Variants in ZNF277 observed in about 807,000 individuals in gnomAD.
ZNF277 encodes the protein zinc finger protein 277.
In ZNF277, 55 loss-of-function variants were observed where a neutral mutation model predicts 60.7. The observed-to-expected ratio is 0.91, with a 90% CI of 0.73 to 1.13. The LOEUF (loss-of-function observed/expected upper bound fraction) is 1.13. ZNF277 is among the 50% of genes most tolerant of loss of function. The probability of loss-of-function intolerance (pLI) is 0.00; values close to 1 mark genes in which losing one functional copy is unlikely to be tolerated. For synonymous variants in ZNF277, 178 were observed against 179.3 expected, an observed-to-expected ratio of 0.99 and a Z score of 0.06; for missense variants, 510 against 523.0, an observed-to-expected ratio of 0.98 and a Z score of 0.24.
intron 1 of ZNF277, among the ~76,000 whole-genome samples, chr7:112,274,900 C>G (rs1019713306): frequency 3.9e-5 from 6 of 152,180 alleles, no homozygotes; most frequent in African/African-American, 1.4e-4. Context: ...GTTTACCTTC[C>G]CTTCTTTTCT....
chr7:112,341,316 A>T (rs910878929), intron 11 of ZNF277, among the ~76,000 whole-genome samples: 19 of 152,238 alleles, frequency 1.2e-4, no homozygotes, highest in African/African-American at 4.1e-4. Flanking sequence ...CAGATTTTTT[A>T]AATTATATTT....
intron 1 of ZNF277, among the ~76,000 whole-genome samples, chr7:112,236,969 C>T (rs1790809184): frequency 1.3e-5 from 2 of 152,032 alleles, no homozygotes; most frequent in South Asian, 4.1e-4. Flanking sequence ...TCAAGGTAGA[C>T]CATATATTAG....
intron 2 of ZNF277, among the ~76,000 whole-genome samples, chr7:112,295,443 C>G (rs909912130): frequency 2.0e-5 from 3 of 151,964 alleles, no homozygotes; most frequent in African/African-American, 7.3e-5. Flanking sequence ...TTCTTCTGAC[C>G]TCTGTTCTTT....
intron 2 of ZNF277, among the ~76,000 whole-genome samples, chr7:112,292,291 C>T (rs745941928): frequency 2.0e-5 from 3 of 152,206 alleles, no homozygotes; most frequent in Non-Finnish European, 2.9e-5. Context: ...TGTAGTGGAA[C>T]TTCTCTGCAC....
chr7:112,240,459 G>C (rs1487623467), intron 1 of ZNF277, among the ~76,000 whole-genome samples: 1 of 152,092 alleles, frequency 6.6e-6, no homozygotes. Flanking sequence ...AAATGCTTGA[G>C]GTGTTGGATA....
At chr7:112,291,344 G>A (rs1376451979) in intron 2 of ZNF277, among the ~76,000 whole-genome samples, 4 of 152,060 alleles carry the variant, frequency 2.6e-5, no homozygotes, top group Non-Finnish European at 5.9e-5. Context: ...ATTGCAACAA[G>A]GATTTTTTGT....
intron 1 of ZNF277, among the ~76,000 whole-genome samples, chr7:112,209,707 C>T (rs994664068): frequency 4.6e-5 from 7 of 152,020 alleles, no homozygotes; most frequent in East Asian, 1.9e-4. Context: ...CTTTTCAAAG[C>T]CAACAAGGTG....
At chr7:112,323,323 T>A (rs1793026787) in intron 5 of ZNF277, among the ~76,000 whole-genome samples, 2 of 152,264 alleles carry the variant, frequency 1.3e-5, no homozygotes, top group South Asian at 4.1e-4. Context: ...CTGCAATTAG[T>A]ATTGCCTCAG....
At chr7:112,270,124 C>T (rs1005161762) in intron 1 of ZNF277, among the ~76,000 whole-genome samples, 16 of 152,150 alleles carry the variant, frequency 1.1e-4, no homozygotes, top group Admixed American at 7.2e-4. Flanking sequence ...ATAAAAAAAG[C>T]GTAATATGGT....
intron 1 of ZNF277, among the ~76,000 whole-genome samples, chr7:112,275,603 CAAT>C (rs1409762794): frequency 6.6e-6 from 1 of 151,948 alleles, no homozygotes; most frequent in African/African-American, 2.4e-5. Flanking sequence ...ACAAATAAAT[CAAT>C]AATTTATCAT....
chr7:112,242,155 T>A (rs7809773), intron 1 of ZNF277, among the ~76,000 whole-genome samples: 1 of 151,734 alleles, frequency 6.6e-6, no homozygotes, highest in Non-Finnish European at 1.5e-5. Flanking sequence ...ATTTAAAATT[T>A]AAAAAAAGAT....
At chr7:112,254,189 T>G (rs1394597529) in intron 1 of ZNF277, among the ~76,000 whole-genome samples, 3 of 152,244 alleles carry the variant, frequency 2.0e-5, no homozygotes, top group Non-Finnish European at 2.9e-5. Context: ...AAACCACATT[T>G]GAGACACCAT....
At chr7:112,256,676 C>T (rs1457772782) in intron 1 of ZNF277, among the ~76,000 whole-genome samples, 2 of 151,998 alleles carry the variant, frequency 1.3e-5, no homozygotes, top group East Asian at 1.9e-4. Flanking sequence ...AAACTCCTGA[C>T]CTCAGGTGAT....
Position 112,333,507 on chromosome 7 carries a change from C to G in ZNF277, c.802-2597C>G, listed in dbSNP as rs1235910351. On this transcript the variant is annotated intron_variant, in intron 7 of 11. Coordinates refer to ENST00000361822, the MANE Select transcript of ZNF277 (RefSeq NM_021994.3). ...AGATATATGCAGTCATTGAGTCATTCACACACAGAGCTCCTCACCTCCACT... is the reference window on the plus strand; with the variant it reads ...AGATATATGCAGTCATTGAGTCATTGACACACAGAGCTCCTCACCTCCACT... 2.0e-5 allele frequency among the ~76,000 whole-genome samples: 3 copies of G among 152,148 alleles called. 1 individual carries two copies. Among genetic ancestry groups the G allele is most frequent in the Non-Finnish European group, 4.4e-5 (3 of 68,030 alleles).
At position 112,287,014 on chromosome 7, in the gene ZNF277, A is replaced by G. The variant is rs745618155; in HGVS notation, c.233A>G (p.His78Arg). ...GCTGAACAAGACAAACTTCTGAAGC[A>G]CATGATTATTGAGCATAAGATTGTC... is the stretch of plus-strand genomic sequence containing the variant. ...PVAEQDKLLK[H>R]MIIEHKIVIA... Residue 78 changes from histidine (H) to arginine (R), a missense_variant, in exon 2 of 12, where the codon CAC becomes CGC. His to Arg is a conservative substitution (Grantham distance 29, BLOSUM62 0). Transcript: ENST00000361822. The G allele has an allele frequency of 1.2e-6, 2 of 1,614,028 alleles. No homozygotes were observed. Among genetic ancestry groups the G allele is most frequent in the African/African-American group, 2.7e-5 (2 of 75,002 alleles).
chr7:112,245,528 G>C (rs1791064445), intron 1 of ZNF277, among the ~76,000 whole-genome samples: 3 of 152,158 alleles, frequency 2.0e-5, no homozygotes, highest in South Asian at 2.1e-4. Flanking sequence ...TTGTGATCTA[G>C]CCTCACAATT....
intron 1 of ZNF277, among the ~76,000 whole-genome samples, chr7:112,264,685 T>A (rs1791510338): frequency 6.6e-6 from 1 of 152,152 alleles, no homozygotes. Context: ...TCAGAGATAT[T>A]AAGGGTTTGG....
At chr7:112,214,094 C>A (rs1054407690) in intron 1 of ZNF277, among the ~76,000 whole-genome samples, 1 of 152,080 alleles carries the variant, frequency 6.6e-6, no homozygotes, top group African/African-American at 2.4e-5. Context: ...GGTCAGATAC[C>A]GAATTACATA....
At chr7:112,219,366 C>T (rs761404361) in intron 1 of ZNF277, among the ~76,000 whole-genome samples, 2 of 152,058 alleles carry the variant, frequency 1.3e-5, no homozygotes, top group Non-Finnish European at 2.9e-5. Flanking sequence ...TAGGTTGAAG[C>T]CTTTAATCTA....
Sources: gnomAD v4.1 joint callset for allele counts (sites outside exome capture counted in the v4.1 genomes callset) on GRCh38, gnomAD v4.1.1 for gene constraint, MANE v1.5 for transcripts, NCBI Gene and HGNC (gene_info 2026-07-23, HGNC 2026-07-21) for gene names.